LRRTM4: variants seen among roughly 807,000 people sequenced by gnomAD.
LRRTM4 encodes leucine rich repeat transmembrane neuronal 4, also known as leucine-rich repeat transmembrane neuronal protein 4.
In LRRTM4, 25 loss-of-function variants were observed where a neutral mutation model predicts 47.6. The observed-to-expected ratio is 0.53, with a 90% CI of 0.38 to 0.73. The LOEUF is 0.73. Ranked by LOEUF, LRRTM4 falls within the 30% of genes least tolerant of loss-of-function variation. LRRTM4 has a pLI of 0.00. For synonymous variants in LRRTM4, 311 were observed against 269.5 expected (o/e 1.15, Z -1.51); for missense variants, 638 against 713.4 (o/e 0.89, Z 1.20).
chr2:77,030,606 A>G (rs1001115301), intron 3 of LRRTM4, among the ~76,000 whole-genome samples: 2 of 152,158 alleles, frequency 1.3e-5, no homozygotes, highest in Non-Finnish European at 2.9e-5. Context: ...ATCTGAATCT[A>G]CCCTTTAAAA....
chr2:77,328,742 C>T (rs1281572970), intron 3 of LRRTM4, among the ~76,000 whole-genome samples: 1 of 152,144 alleles, frequency 6.6e-6, no homozygotes, highest in Non-Finnish European at 1.5e-5. Flanking sequence ...TCACATAACT[C>T]AGCAGGTGAT....
At chr2:77,282,343 G>A (rs1362814308) in intron 3 of LRRTM4, among the ~76,000 whole-genome samples, 1 of 151,848 alleles carries the variant, frequency 6.6e-6, no homozygotes, top group African/African-American at 2.4e-5. Context: ...TTTTGGCAGA[G>A]TCTTTAGGGT....
intron 3 of LRRTM4, among the ~76,000 whole-genome samples, chr2:77,244,786 GT>G (rs1675385476): frequency 6.6e-6 from 1 of 152,142 alleles, no homozygotes; most frequent in African/African-American, 2.4e-5. Flanking sequence ...AACCTGCAAT[GT>G]TTTTAATTAC....
intron 3 of LRRTM4, among the ~76,000 whole-genome samples, chr2:77,336,470 C>A (rs1253418799): frequency 1.3e-5 from 2 of 152,026 alleles, no homozygotes; most frequent in African/African-American, 2.4e-5. Context: ...GAATCCTCAA[C>A]AGAATACTAG....
intron 3 of LRRTM4, among the ~76,000 whole-genome samples, chr2:76,946,212 T>A (rs974627189): frequency 6.6e-6 from 1 of 151,962 alleles, no homozygotes; most frequent in Non-Finnish European, 1.5e-5. Context: ...TAAATGGACA[T>A]AATATAAATA....
In LRRTM4 at chr2:77,183,130, T is replaced by C. The variant is rs201458546; in HGVS notation, c.1551+335188A>G. ...GCTTCTGCACAGCAAAAGAAACTAC[T>C]ATCAGAGTGAACAGGCAACCTACAG... is the stretch of plus-strand genomic sequence containing the variant. On this transcript the variant is annotated intron_variant, in intron 3 of 3. Transcript: ENST00000409884. Among the ~76,000 whole-genome samples the C allele has an allele frequency of 5.1e-3, 773 of 151,800 alleles. 21 individuals carry two copies. In the East Asian group the frequency reaches 0.072, roughly 14 times the overall value.
chr2:77,343,171 T>G (rs6711898), intron 3 of LRRTM4, among the ~76,000 whole-genome samples: 11,183 of 152,000 alleles, frequency 0.074, 682 homozygotes, highest in East Asian at 0.17. Flanking sequence ...ATTGAGTTTC[T>G]GTCACTTGCA....
intron 3 of LRRTM4, among the ~76,000 whole-genome samples, chr2:77,130,824 A>ATTTTTT (rs768577274): frequency 0.011 from 394 of 35,632 alleles, 103 homozygotes; most frequent in East Asian, 0.02. Flanking sequence ...TATTTGTTCT[A>ATTTTTT]TTTTTTTTTT....
chr2:77,170,732 TA>T (rs1230533910), intron 3 of LRRTM4, among the ~76,000 whole-genome samples: 1 of 152,110 alleles, frequency 6.6e-6, no homozygotes, highest in Non-Finnish European at 1.5e-5. Flanking sequence ...AATCAGTTCC[TA>T]AACCAAATGT....
intron 3 of LRRTM4, among the ~76,000 whole-genome samples, chr2:77,109,762 T>A (rs1023872045): frequency 6.6e-6 from 1 of 151,680 alleles, no homozygotes; most frequent in Middle Eastern, 3.4e-3. Context: ...ATGCATAAAA[T>A]TCTTAAGATA....
intron 3 of LRRTM4, among the ~76,000 whole-genome samples, chr2:76,974,181 T>C (rs191957979): frequency 0.025 from 2,829 of 112,664 alleles, 143 homozygotes; most frequent in African/African-American, 0.11. Flanking sequence ...TACATATATA[T>C]ACATACATAT....
At position 76,907,937 on chromosome 2, in the gene LRRTM4, C is replaced by T. The variant is rs571869430; in HGVS notation, c.1552-159021G>A. Among the ~76,000 whole-genome samples the T allele has an allele frequency of 2.8e-3, 419 of 149,604 alleles. 3 individuals are homozygous for T. Among genetic ancestry groups the T allele is most frequent in the African/African-American group, 9.7e-3 (390 of 40,302 alleles). On this transcript the variant is annotated intron_variant, in intron 3 of 3. Transcript: ENST00000409884. Reference sequence around the variant, plus strand: ...GTACAAGGAGGAACTGGTACCATTCCTTCTGAAACTATTCCAATCAATAGA... The same window carrying T: ...GTACAAGGAGGAACTGGTACCATTCTTTCTGAAACTATTCCAATCAATAGA...
At chr2:77,134,937 T>C (rs1671893571) in intron 3 of LRRTM4, among the ~76,000 whole-genome samples, 1 of 152,158 alleles carries the variant, frequency 6.6e-6, no homozygotes, top group Non-Finnish European at 1.5e-5. Context: ...TAGTAAATGG[T>C]AATTTTAGTT....
At chr2:76,844,843 T>A (rs1241365893) in intron 3 of LRRTM4, among the ~76,000 whole-genome samples, 1 of 152,138 alleles carries the variant, frequency 6.6e-6, no homozygotes, top group Non-Finnish European at 1.5e-5. Context: ...GCTTAGAGAT[T>A]GATTAGTCTT....
intron 3 of LRRTM4, among the ~76,000 whole-genome samples, chr2:77,326,309 G>A (rs748161897): frequency 3.3e-5 from 5 of 152,140 alleles, no homozygotes; most frequent in Non-Finnish European, 7.3e-5. Context: ...TTGTTAATCT[G>A]TCTTCTGTTA....
intron 3 of LRRTM4, among the ~76,000 whole-genome samples, chr2:76,751,357 G>C (rs572903095): frequency 6.7e-6 from 1 of 150,222 alleles, no homozygotes; most frequent in African/African-American, 2.4e-5. Flanking sequence ...TTACAAAATA[G>C]TAACAAGAGT....
chr2:77,288,952 G>C (rs528631865), intron 3 of LRRTM4, among the ~76,000 whole-genome samples: 19 of 152,126 alleles, frequency 1.2e-4, no homozygotes, highest in African/African-American at 4.6e-4. Flanking sequence ...ATCAGTTAAT[G>C]CACCTCTCAC....
intron 3 of LRRTM4, among the ~76,000 whole-genome samples, chr2:77,347,530 A>C (rs1671611892): frequency 6.6e-6 from 1 of 152,210 alleles, no homozygotes; most frequent in African/African-American, 2.4e-5. Context: ...AAAATAAAAA[A>C]TACATAATTT....
intron 3 of LRRTM4, among the ~76,000 whole-genome samples, chr2:76,940,931 A>G (rs1675120452): frequency 6.6e-6 from 1 of 152,126 alleles, no homozygotes; most frequent in Non-Finnish European, 1.5e-5. Flanking sequence ...TTTGCTGACA[A>G]TTTCAGTACC....
Sources: gnomAD v4.1 joint callset for allele counts (sites outside exome capture counted in the v4.1 genomes callset) on GRCh38, gnomAD v4.1.1 for gene constraint, MANE v1.5 for transcripts, NCBI Gene and HGNC (gene_info 2026-07-23, HGNC 2026-07-21) for gene names.